GRM1: variants seen among roughly 807,000 people sequenced by gnomAD.
GRM1 encodes glutamate metabotropic receptor 1.
In GRM1, 33 loss-of-function variants were observed where a neutral mutation model predicts 90.9. The ratio of observed to expected loss-of-function variants is 0.36; its 90% CI spans 0.28 to 0.49. The LOEUF is 0.49. Among genes scored for constraint, GRM1 ranks in the 20% least tolerant of loss-of-function variants. GRM1 has a pLI of 0.99. For missense variants in GRM1, 1,190 were observed against 1,534.3 expected, an observed-to-expected ratio of 0.78 and a Z score of 3.75; for synonymous variants, 700 against 613.2, an observed-to-expected ratio of 1.14 and a Z score of -2.09.
intron 1 of GRM1, among the ~76,000 whole-genome samples, chr6:146,065,383 G>A (rs948013510): frequency 6.6e-6 from 1 of 152,078 alleles, no homozygotes; most frequent in African/African-American, 2.4e-5. Flanking sequence ...GGTGGCCTTT[G>A]GTCCAAATCC....
chr6:146,205,950 C>T (rs114384545), intron 2 of GRM1, among the ~76,000 whole-genome samples: 1 of 152,162 alleles, frequency 6.6e-6, no homozygotes, highest in Non-Finnish European at 1.5e-5. Context: ...GGTCCACTAG[C>T]AGGCAGCATC....
intron 5 of GRM1, among the ~76,000 whole-genome samples, chr6:146,371,503 T>C (rs540335030): frequency 2.8e-4 from 43 of 152,054 alleles, no homozygotes; most frequent in Non-Finnish European, 5.4e-4. Context: ...TATTTTAAAA[T>C]GTAAAATCCA....
intron 3 of GRM1, among the ~76,000 whole-genome samples, chr6:146,329,828 A>G (rs980938847): frequency 6.6e-6 from 1 of 152,196 alleles, no homozygotes; most frequent in Admixed American, 6.5e-5. Flanking sequence ...CCTATTTGAG[A>G]ATAAAGTGCT....
chr6:146,086,136 T>G lies in GRM1; in HGVS notation c.700+55919T>G, dbSNP rs569852061. On this transcript the variant is annotated intron_variant, in intron 1 of 7. Coordinates refer to ENST00000282753, the MANE Select transcript of GRM1 (RefSeq NM_001278064.2). ...AAGGAGCCCACACATAATAACTCTG[T>G]ACCTCTTTCTAGTTTGGAAATGATT... Among the ~76,000 whole-genome samples, 505 of 152,274 alleles carry G rather than the reference T, an allele frequency of 3.3e-3. 3 individuals are homozygous for G. Among genetic ancestry groups the G allele is most frequent in the African/African-American group, 0.012 (487 of 41,562 alleles).
chr6:146,035,259 A>G (rs1011904436), intron 1 of GRM1, among the ~76,000 whole-genome samples: 1 of 151,978 alleles, frequency 6.6e-6, no homozygotes, highest in Non-Finnish European at 1.5e-5. Context: ...GACATGAAGG[A>G]CAAGTAATGG....
At chr6:146,413,623 A>T (rs1281572628) in intron 7 of GRM1, among the ~76,000 whole-genome samples, 2 of 152,158 alleles carry the variant, frequency 1.3e-5, no homozygotes, top group Non-Finnish European at 2.9e-5. Context: ...TGACAGTTTG[A>T]TATATTCTAC....
At chr6:146,393,533 T>C (rs763064645) in intron 6 of GRM1, among the ~76,000 whole-genome samples, 4 of 152,138 alleles carry the variant, frequency 2.6e-5, no homozygotes, top group Admixed American at 2.6e-4. Flanking sequence ...TTCAGTTTAA[T>C]TAGATCCCAC....
intron 1 of GRM1, among the ~76,000 whole-genome samples, chr6:146,107,454 C>T (rs535639540): frequency 1.1e-3 from 168 of 152,088 alleles, no homozygotes; most frequent in African/African-American, 3.7e-3. Context: ...GGCTGAGATC[C>T]CTCAGAGGCT....
intron 1 of GRM1, among the ~76,000 whole-genome samples, chr6:146,080,703 G>C (rs75276178): frequency 0.014 from 2,093 of 152,278 alleles, 18 homozygotes; most frequent in Non-Finnish European, 0.02. Context: ...GCAGTAAAGG[G>C]AGTAGAAAGG....
chr6:146,041,044 AT>A (rs1008465434), intron 1 of GRM1, among the ~76,000 whole-genome samples: 37 of 151,074 alleles, frequency 2.4e-4, no homozygotes, highest in Admixed American at 2.0e-3. Context: ...CCTCTGATGC[AT>A]TTTTTTTGAT....
intron 1 of GRM1, among the ~76,000 whole-genome samples, chr6:146,118,393 C>T (rs1775847158): frequency 6.6e-6 from 1 of 152,124 alleles, no homozygotes; most frequent in African/African-American, 2.4e-5. Context: ...CCCGCCTCGG[C>T]CTCCCAAAGT....
chr6:146,187,202 A>G (rs1778765327), intron 2 of GRM1, among the ~76,000 whole-genome samples: 1 of 152,162 alleles, frequency 6.6e-6, no homozygotes, highest in South Asian at 2.1e-4. Context: ...TAACAACCAA[A>G]TGTGATTTCA....
In GRM1 at chr6:146,251,210, C is replaced by T. The variant is rs559165372; in HGVS notation, c.951-53401C>T. Among the ~76,000 whole-genome samples the T allele has an allele frequency of 7.2e-5, 11 of 152,192 alleles. No homozygotes were observed. The South Asian group carries it at 2.3e-3, about 32-fold the overall frequency. Reference sequence around the variant, plus strand: ...AACCATAAAATATGTTATGAAACTCCCTTCTTTGGTCCTCTTACAATCAGG... The same window carrying T: ...AACCATAAAATATGTTATGAAACTCTCTTCTTTGGTCCTCTTACAATCAGG... On this transcript the variant is annotated intron_variant, in intron 2 of 7. Transcript: ENST00000282753.
chr6:146,202,639 C>T lies in GRM1; in HGVS notation c.950+43042C>T, dbSNP rs540969332. Among the ~76,000 whole-genome samples the T allele has an allele frequency of 5.3e-5, 8 of 152,232 alleles. No individual in the cohort carries two copies. The East Asian group carries it at 1.5e-3, about 29-fold the overall frequency. ...CCCTGCAGTTTAAGTCCAGCCTTCT[C>T]GTTTTTCTCTAGGCTAAAATCTTCA... On this transcript the variant is annotated intron_variant, in intron 2 of 7. Coordinates refer to ENST00000282753, the MANE Select transcript of GRM1 (RefSeq NM_001278064.2).
At chr6:146,315,166 A>G (rs1403064220) in intron 3 of GRM1, among the ~76,000 whole-genome samples, 2 of 152,190 alleles carry the variant, frequency 1.3e-5, no homozygotes, top group Non-Finnish European at 2.9e-5. Context: ...CCTGGGAACT[A>G]CTGCAAGACC....
intron 1 of GRM1, among the ~76,000 whole-genome samples, chr6:146,097,054 G>T (rs570577280): frequency 2.6e-5 from 4 of 152,092 alleles, no homozygotes; most frequent in South Asian, 2.1e-4. Flanking sequence ...GGGTTAAAAA[G>T]TGGTTCTGCT....
At chr6:146,226,401 A>C (rs1460324679) in intron 2 of GRM1, among the ~76,000 whole-genome samples, 1 of 152,156 alleles carries the variant, frequency 6.6e-6, no homozygotes, top group African/African-American at 2.4e-5. Context: ...TTTTGGAGTG[A>C]CTGTAATAAA....
At chr6:146,426,605 C>G in intron 7 of GRM1, 1 of 1,605,586 alleles carries the variant, frequency 6.2e-7, no homozygotes, top group Non-Finnish European at 8.5e-7. Flanking sequence ...TCCGTCGGCA[C>G]ATGTGCAGCT....
chr6:146,041,650 C>T (rs1229188328), intron 1 of GRM1, among the ~76,000 whole-genome samples: 4 of 151,984 alleles, frequency 2.6e-5, no homozygotes, highest in Admixed American at 6.6e-5. Flanking sequence ...TGAACCTCCT[C>T]TCTGACTCGG....
Sources: gnomAD v4.1 joint callset for allele counts (sites outside exome capture counted in the v4.1 genomes callset) on GRCh38, gnomAD v4.1.1 for gene constraint, MANE v1.5 for transcripts, NCBI Gene and HGNC (gene_info 2026-07-23, HGNC 2026-07-21) for gene names.